Variants in PPAT observed in about 807,000 individuals in gnomAD.
The protein encoded by PPAT is amidophosphoribosyltransferase.
Under a neutral mutation model 60.2 loss-of-function variants are expected in PPAT, and 20 were observed. That is an observed-to-expected ratio of 0.33 (90% CI 0.23 to 0.48). The LOEUF (loss-of-function observed/expected upper bound fraction) is 0.48, where lower values mean the gene tolerates loss of function less well. Ranked by LOEUF, PPAT falls within the 20% of genes least tolerant of loss-of-function variation. The pLI is 0.99. For synonymous variants in PPAT, 194 were observed against 215.1 expected (o/e 0.90, Z 0.86); for missense variants, 349 against 629.6 (o/e 0.55, Z 4.77).
intron 1 of PPAT, among the ~76,000 whole-genome samples, chr4:56,417,407 G>A (rs1578127708): frequency 6.6e-6 from 1 of 151,968 alleles, no homozygotes; most frequent in East Asian, 1.9e-4. Context: ...CCTGACAAAA[G>A]TTATTAATTG....
At chr4:56,409,315 C>G (rs1229554563) in intron 1 of PPAT, among the ~76,000 whole-genome samples, 1 of 152,140 alleles carries the variant, frequency 6.6e-6, no homozygotes, top group East Asian at 1.9e-4. Flanking sequence ...CTCTTTATAA[C>G]CCCTAAATAG....
At chr4:56,416,448 AATGG>A (rs1262414708) in intron 1 of PPAT, 4 of 459,968 alleles carry the variant, frequency 8.7e-6, no homozygotes, top group African/African-American at 8.5e-5. Context: ...GGTATAGTAT[AATGG>A]ATGGGACAGA....
chr4:56,417,451 A>G (rs1245773378), intron 1 of PPAT, among the ~76,000 whole-genome samples: 1 of 152,136 alleles, frequency 6.6e-6, no homozygotes, highest in Non-Finnish European at 1.5e-5. Context: ...CCAAAACCTA[A>G]ACTCAATTAT....
At chr4:56,427,595 T>C (rs1246057896) in intron 1 of PPAT, among the ~76,000 whole-genome samples, 2 of 150,038 alleles carry the variant, frequency 1.3e-5, no homozygotes, top group East Asian at 3.9e-4. Context: ...TCGCTTGAGC[T>C]CAGGAGGTCC....
rs1296976098 is a variant in PPAT at position 56,395,558 on chromosome 4, G to C, written c.1358-10C>G. 2.0e-6 allele frequency: 3 copies of C among 1,504,058 alleles called. No individual in the cohort carries two copies. The highest frequency in any genetic ancestry group is 2.6e-6 in the Non-Finnish European group (3 of 1,132,792). 93.2% of individuals were successfully genotyped at this position (1,504,058 alleles called of 1,614,324 possible). A position where few individuals can be genotyped will look rare whatever the true frequency, so the allele number is the denominator to read the frequency against. On this transcript the variant is annotated splice_polypyrimidine_tract_variant and intron_variant, in intron 10 of 10. Coordinates refer to ENST00000264220, the MANE Select transcript of PPAT (RefSeq NM_002703.5). ...ACAACACTGTTTGCTCCTAAAGAAA[G>C]AGGGAAAAATAAAAATGTAATAAGA...
intron 1 of PPAT, among the ~76,000 whole-genome samples, chr4:56,416,942 G>C (rs146786062): frequency 1.3e-5 from 2 of 152,008 alleles, no homozygotes; most frequent in Non-Finnish European, 2.9e-5. Context: ...CTCTGCCTCC[G>C]GGGTTCAAGC....
chr4:56,417,191 C>T (rs1022290076), intron 1 of PPAT, among the ~76,000 whole-genome samples: 2 of 151,778 alleles, frequency 1.3e-5, no homozygotes, highest in Non-Finnish European at 2.9e-5. Context: ...AACCTTACTT[C>T]TAACTTACAT....
intron 1 of PPAT, among the ~76,000 whole-genome samples, chr4:56,410,102 G>C (rs982334136): frequency 3.9e-5 from 6 of 152,110 alleles, no homozygotes; most frequent in African/African-American, 1.2e-4. Flanking sequence ...CAATGTTAGA[G>C]GACTAGGTGA....
chr4:56,427,117 T>G (rs973265916), intron 1 of PPAT, among the ~76,000 whole-genome samples: 9 of 152,268 alleles, frequency 5.9e-5, no homozygotes, highest in Admixed American at 2.6e-4. Flanking sequence ...ACCATTTTGT[T>G]TATTCATCCA....
At position 56,410,899 on chromosome 4, in the gene PPAT, T is replaced by TAAAAAA. The variant is rs35668849; in HGVS notation, c.129-3189_129-3184dup. On this transcript the variant is annotated intron_variant, in intron 1 of 10. Coordinates refer to ENST00000264220, the MANE Select transcript of PPAT (RefSeq NM_002703.5). ...GTACAGCCCCAGAGACCACTGAAGGTAAAAAAAAAAAAAAAAAAAAAAAAA... is the reference window on the plus strand; with the variant it reads ...GTACAGCCCCAGAGACCACTGAAGGTAAAAAAAAAAAAAAAAAAAAAAAAAAAAAAA... 79 of 678,524 alleles carry TAAAAAA rather than the reference T, an allele frequency of 1.2e-4. No individual in the cohort carries two copies. The East Asian group carries it at 3.0e-3, about 26-fold the overall frequency. 42.0% of individuals were successfully genotyped at this position (678,524 alleles called of 1,614,324 possible).
chr4:56,406,080 AC>A (rs1169241393), intron 3 of PPAT, among the ~76,000 whole-genome samples: 1 of 151,958 alleles, frequency 6.6e-6, no homozygotes, highest in Non-Finnish European at 1.5e-5. Flanking sequence ...GGTATAAGAA[AC>A]CCCCCTATTT....
chr4:56,398,385 A>T (rs920976529), intron 9 of PPAT, among the ~76,000 whole-genome samples: 1 of 152,216 alleles, frequency 6.6e-6, no homozygotes, highest in Admixed American at 6.5e-5. Context: ...AATACATTTT[A>T]AAAAATAATA....
chr4:56,395,955 A>G (rs771667460), intron 10 of PPAT, among the ~76,000 whole-genome samples: 2 of 152,202 alleles, frequency 1.3e-5, no homozygotes, highest in Non-Finnish European at 2.9e-5. Flanking sequence ...TAGAGTTTTT[A>G]TGATAATATA....
chr4:56,395,499 T>G lies in PPAT; in HGVS notation c.1407A>C (p.Val469=), dbSNP rs2412738. 23 of 1,610,046 alleles carry G rather than the reference T, an allele frequency of 1.4e-5. No homozygotes were observed. The highest frequency in any genetic ancestry group is 1.8e-5 in the Non-Finnish European group (21 of 1,178,422). The change falls in exon 11 of 11, where the codon GTA becomes GTC. Residue 469 remains valine (V), a synonymous_variant. Coordinates refer to ENST00000264220, the MANE Select transcript of PPAT (RefSeq NM_002703.5). The stretch of plus-strand genomic sequence containing the variant: ...GTTTTTTAAACTTTATCCCTTCTTG[T>G]ACAGATGAAACCAGTCCTTCTACTG... ...YLSVEGLVSS[V]QEGIKFKKQK...
chr4:56,432,503 G>A (rs1204367549), intron 1 of PPAT, among the ~76,000 whole-genome samples: 2 of 146,046 alleles, frequency 1.4e-5, no homozygotes, highest in Non-Finnish European at 3.0e-5. Context: ...TCCAGCCTAG[G>A]TGACAGAGTG....
intron 2 of PPAT, 80 bp downstream of exon 2, chr4:56,407,570 G>C: frequency 8.7e-7 from 1 of 1,151,150 alleles, no homozygotes; most frequent in Non-Finnish European, 1.3e-6. Flanking sequence ...CTCCTGCCTT[G>C]GCCTGCCAAA....
intron 1 of PPAT, among the ~76,000 whole-genome samples, chr4:56,432,803 AT>A (rs67236829): frequency 0.31 from 42,926 of 139,814 alleles, 6,437 homozygotes; most frequent in Non-Finnish European, 0.38. Context: ...AAAAAAAAAA[AT>A]CAAGAAGATA....
At chr4:56,434,022 C>T (rs1353037618) in intron 1 of PPAT, among the ~76,000 whole-genome samples, 1 of 152,168 alleles carries the variant, frequency 6.6e-6, no homozygotes, top group Non-Finnish European at 1.5e-5. Context: ...ACTAATGTTG[C>T]TCACAACTAC....
chr4:56,396,514 C>T lies in PPAT; in HGVS notation c.1357+105G>A. ...AATATCTGTTTAACATATATAACTA[C>T]TTTTAACAAACACTGAATACTCCTT... On this transcript the variant is annotated intron_variant, in intron 10 of 10. Transcript: ENST00000264220. This position sits in a 1 kb window ranked among gnomAD's most constrained non-coding sequence, Gnocchi z 4.6. The T allele has an allele frequency of 8.4e-7, 1 of 1,183,644 alleles. No individual in the cohort carries two copies. The highest frequency in any genetic ancestry group is 1.6e-5 in the South Asian group (1 of 64,404). The allele number at this position is 1,183,644 out of a possible 1,614,324, so 73.3% of individuals were successfully genotyped here.
Sources: allele counts gnomAD v4.1 joint callset (sites outside exome capture counted in the v4.1 genomes callset), GRCh38; gene constraint gnomAD v4.1.1; non-coding constraint Gnocchi (gnomAD v3.1); transcripts MANE v1.5; gene names NCBI Gene and HGNC (gene_info 2026-07-23, HGNC 2026-07-21).